Variants in SRRM4 observed in about 807,000 individuals in gnomAD.
SRRM4 encodes serine/arginine repetitive matrix 4, also known as serine/arginine repetitive matrix protein 4.
A neutral mutation model predicts 68.9 loss-of-function variants in SRRM4; 33 were observed. That is an observed-to-expected ratio of 0.48 (90% CI 0.36 to 0.64). The LOEUF is 0.64. Among genes scored for constraint, SRRM4 ranks in the 30% least tolerant of loss-of-function variants. The pLI, the probability that SRRM4 is intolerant of heterozygous loss-of-function variation, is 0.00. For missense variants in SRRM4, 817 were observed against 827.1 expected (o/e 0.99, Z 0.15); for synonymous variants, 318 against 318.8 (o/e 1.00, Z 0.03).
intron 1 of SRRM4, among the ~76,000 whole-genome samples, chr12:119,038,731 C>A (rs1477556819): frequency 6.6e-6 from 1 of 152,070 alleles, no homozygotes; most frequent in Non-Finnish European, 1.5e-5. Flanking sequence ...ATTTTCATGT[C>A]TTCATGGGGT....
intron 1 of SRRM4, among the ~76,000 whole-genome samples, chr12:119,073,978 A>G (rs1027710256): frequency 1.3e-5 from 2 of 152,122 alleles, no homozygotes; most frequent in Non-Finnish European, 2.9e-5. Flanking sequence ...TACCTACCTG[A>G]AAGGGTTTCC....
intron 2 of SRRM4, among the ~76,000 whole-genome samples, chr12:119,113,507 G>A (rs951719982): frequency 3.3e-5 from 5 of 152,286 alleles, no homozygotes; most frequent in Non-Finnish European, 7.3e-5. Flanking sequence ...CATAACAAGC[G>A]CATAAATGCT....
intron 1 of SRRM4, among the ~76,000 whole-genome samples, chr12:118,994,549 A>G (rs1229828586): frequency 2.6e-5 from 4 of 152,278 alleles, no homozygotes; most frequent in South Asian, 2.1e-4. Flanking sequence ...CCTCCAACCT[A>G]AGGAAAGCAT....
At chr12:119,068,566 T>C (rs1246308537) in intron 1 of SRRM4, among the ~76,000 whole-genome samples, 2 of 152,152 alleles carry the variant, frequency 1.3e-5, no homozygotes, top group Non-Finnish European at 2.9e-5. Context: ...ATATGTGAAA[T>C]CACCTTGAAG....
chr12:119,157,934 A>C lies in SRRM4; in HGVS notation c.*1136A>C, dbSNP rs1286420719. 8.5e-5 allele frequency: 13 copies of C among 152,740 alleles called. No homozygotes were observed. Among genetic ancestry groups the C allele is most frequent in the Admixed American group, 7.9e-4 (12 of 15,284 alleles). 9.5% of individuals were successfully genotyped at this position (152,740 alleles called of 1,614,324 possible). ...CAGCAGCTCAGGTTTGGGGGAAAAGACCCGAATCCAGAGTGCAGGGGAGAG... is the reference window on the plus strand; with the variant it reads ...CAGCAGCTCAGGTTTGGGGGAAAAGCCCCGAATCCAGAGTGCAGGGGAGAG... On this transcript the variant is annotated 3_prime_UTR_variant, in exon 13 of 13. Coordinates refer to ENST00000267260, the MANE Select transcript of SRRM4 (RefSeq NM_194286.4). This position sits in a 1 kb window ranked among gnomAD's most constrained non-coding sequence, Gnocchi z 4.1.
rs937461034 is a variant in SRRM4, at chr12:119,160,564, G to A, written c.*3766G>A. ...AAAATGGGAGGGAGATGTGGCTTGA[G>A]GTCAAGCGCCATGCATCCCAAGCCT... On this transcript the variant is annotated 3_prime_UTR_variant, in exon 13 of 13. Transcript: ENST00000267260. 2 of 152,204 alleles carry A rather than the reference G, an allele frequency of 1.3e-5. No individual in the cohort carries two copies. Among genetic ancestry groups the A allele is most frequent in the Admixed American group, 6.5e-5 (1 of 15,276 alleles). 9.4% of individuals were successfully genotyped at this position (152,204 alleles called of 1,614,324 possible). A position where few individuals can be genotyped will look rare whatever the true frequency, so the allele number is the denominator to read the frequency against.
At chr12:119,001,445 C>T (rs1953383636) in intron 1 of SRRM4, 1 of 152,240 alleles carries the variant, frequency 6.6e-6, no homozygotes. Flanking sequence ...AATTGCCCTT[C>T]AGGCCAGGAA....
intron 1 of SRRM4, among the ~76,000 whole-genome samples, chr12:118,989,060 G>A (rs180926841): frequency 6.6e-6 from 1 of 152,234 alleles, no homozygotes; most frequent in East Asian, 1.9e-4. Flanking sequence ...ATGATTCCCA[G>A]GATGCAGGCA....
At chr12:119,116,015 T>C (rs1235460114) in intron 3 of SRRM4, among the ~76,000 whole-genome samples, 1 of 152,114 alleles carries the variant, frequency 6.6e-6, no homozygotes, top group East Asian at 1.9e-4. Flanking sequence ...TCGGCTAATC[T>C]GAGAAGCAGA....
At chr12:119,089,752 CAT>C (rs1252907990) in intron 1 of SRRM4, among the ~76,000 whole-genome samples, 8 of 151,874 alleles carry the variant, frequency 5.3e-5, no homozygotes, top group Non-Finnish European at 1.5e-5. Flanking sequence ...TCAATATCAT[CAT>C]CATCATCATC....
At chr12:119,020,983 G>C (rs902450200) in intron 1 of SRRM4, among the ~76,000 whole-genome samples, 6 of 152,158 alleles carry the variant, frequency 3.9e-5, no homozygotes, top group African/African-American at 7.2e-5. Context: ...AGAGACGGTG[G>C]GGGGAGGCGC....
rs1314496590 is a variant in SRRM4 at position 119,054,670 on chromosome 12, C to G, written c.132-47566C>G. Among the ~76,000 whole-genome samples, 4 of 152,238 alleles carry G rather than the reference C, an allele frequency of 2.6e-5. No homozygotes were observed. In the East Asian group the frequency reaches 7.7e-4, roughly 29 times the overall value. On this transcript the variant is annotated intron_variant, in intron 1 of 12. Transcript: ENST00000267260. Reference sequence around the variant, plus strand: ...CAATAATAAAGGGGATGTATTGGCTCTCATACATGAAAAGTTGAATGGCTT... The same window carrying G: ...CAATAATAAAGGGGATGTATTGGCTGTCATACATGAAAAGTTGAATGGCTT...
chr12:119,008,028 G>A (rs1953426194), intron 1 of SRRM4, among the ~76,000 whole-genome samples: 1 of 152,174 alleles, frequency 6.6e-6, no homozygotes, highest in South Asian at 2.1e-4. Context: ...AGGAGAAATT[G>A]TCCAGGTATG....
At position 118,987,723 on chromosome 12, in the gene SRRM4, T is replaced by A. The variant is rs1953291198; in HGVS notation, c.131+5710T>A. Reference sequence around the variant, plus strand: ...TACTTGGCACCCAGTCAGAGCTCCATCAGTGTTGGCTCTTGCTATTAATAA... The same window carrying A: ...TACTTGGCACCCAGTCAGAGCTCCAACAGTGTTGGCTCTTGCTATTAATAA... On this transcript the variant is annotated intron_variant, in intron 1 of 12. Coordinates refer to ENST00000267260, the MANE Select transcript of SRRM4 (RefSeq NM_194286.4). 4.6e-5 allele frequency among the ~76,000 whole-genome samples: 7 copies of A among 152,326 alleles called. No homozygotes were observed. In the South Asian group the frequency reaches 1.5e-3, roughly 32 times the overall value.
At chr12:119,010,730 T>A (rs1953443856) in intron 1 of SRRM4, among the ~76,000 whole-genome samples, 1 of 152,146 alleles carries the variant, frequency 6.6e-6, no homozygotes, top group African/African-American at 2.4e-5. Context: ...AGTTCAAGAG[T>A]GTTTATTGCA....
intron 12 of SRRM4, 62 bp from the exon 13 acceptor site, chr12:119,156,433 G>A: frequency 6.6e-7 from 1 of 1,506,280 alleles, no homozygotes; most frequent in Non-Finnish European, 8.9e-7. Flanking sequence ...ACAAGACTGG[G>A]GCTCGCTGCG....
In SRRM4 at chr12:119,114,196, G is replaced by T; in HGVS notation, c.279-82G>T. The T allele has an allele frequency of 2.5e-6, 3 of 1,220,518 alleles. No homozygotes were observed. The South Asian group carries it at 3.9e-5, about 16-fold the overall frequency. The allele number at this position is 1,220,518 out of a possible 1,614,324, so 75.6% of individuals were successfully genotyped here. A position where few individuals can be genotyped will look rare whatever the true frequency, so the allele number is the denominator to read the frequency against. On this transcript the variant is annotated intron_variant, in intron 2 of 12. Coordinates refer to ENST00000267260, the MANE Select transcript of SRRM4 (RefSeq NM_194286.4). Reference sequence around the variant, plus strand: ...GGTCCTTGATCATCCAAGGACCTGGGTCCTTCCCTGGCTGCACCAGCTCTG... The same window carrying T: ...GGTCCTTGATCATCCAAGGACCTGGTTCCTTCCCTGGCTGCACCAGCTCTG...
At chr12:119,090,462 C>A (rs1954008058) in intron 1 of SRRM4, among the ~76,000 whole-genome samples, 1 of 152,050 alleles carries the variant, frequency 6.6e-6, no homozygotes, top group South Asian at 2.1e-4. Context: ...TGGATTCCAC[C>A]ATAGAATTGG....
intron 1 of SRRM4, among the ~76,000 whole-genome samples, chr12:119,093,043 T>A (rs1954023465): frequency 6.6e-6 from 1 of 152,226 alleles, no homozygotes; most frequent in African/African-American, 2.4e-5. Flanking sequence ...GCTCACTCCC[T>A]CATCACTTTC....
Sources: allele counts gnomAD v4.1 joint callset (sites outside exome capture counted in the v4.1 genomes callset), GRCh38; gene constraint gnomAD v4.1.1; non-coding constraint Gnocchi (gnomAD v3.1); transcripts MANE v1.5; gene names NCBI Gene and HGNC (gene_info 2026-07-23, HGNC 2026-07-21).